CLASP1: variants seen among roughly 807,000 people sequenced by gnomAD.
CLASP1 encodes the protein cytoplasmic linker associated protein 1.
In CLASP1, 38 loss-of-function variants were observed where a neutral mutation model predicts 192.3. The ratio of observed to expected loss-of-function variants is 0.20; its 90% CI spans 0.15 to 0.26. The LOEUF is 0.26. CLASP1 is among the 10% of genes least tolerant of loss of function. The probability of loss-of-function intolerance (pLI) is 1.00; values close to 1 mark genes in which losing one functional copy is unlikely to be tolerated. For synonymous variants in CLASP1, 691 were observed against 712.8 expected, an observed-to-expected ratio of 0.97 and a Z score of 0.49; for missense variants, 1,433 against 1,932.5, an observed-to-expected ratio of 0.74 and a Z score of 4.85.
At chr2:121,636,731 T>C (rs2070955860) in intron 1 of CLASP1, among the ~76,000 whole-genome samples, 1 of 152,162 alleles carries the variant, frequency 6.6e-6, no homozygotes, top group South Asian at 2.1e-4. Flanking sequence ...ATGAGCCACA[T>C]ATTATGCTAC....
At chr2:121,401,972 TG>T in intron 26 of CLASP1, 102 bp from the exon 28 acceptor site, 1 of 508,884 alleles carries the variant, frequency 2.0e-6, no homozygotes. Context: ...TAAGAAAACC[TG>T]AAAAGGCTAC....
chr2:121,352,326 G>A (rs2064617701), intron 37 of CLASP1, among the ~76,000 whole-genome samples: 1 of 152,242 alleles, frequency 6.6e-6, no homozygotes, highest in Non-Finnish European at 1.5e-5. Context: ...ACTCAACATG[G>A]ACGGCATTGA....
intron 2 of CLASP1, among the ~76,000 whole-genome samples, chr2:121,586,645 TAAAAAA>T (rs1034414324): frequency 1.4e-5 from 2 of 145,514 alleles, no homozygotes; most frequent in Non-Finnish European, 3.0e-5. Flanking sequence ...AATTTAAAAA[TAAAAAA>T]AAAAAGACAA....
intron 2 of CLASP1, among the ~76,000 whole-genome samples, chr2:121,548,735 A>C (rs1401087005): frequency 6.6e-6 from 1 of 152,196 alleles, no homozygotes; most frequent in East Asian, 1.9e-4. Flanking sequence ...CCTGTAAGTC[A>C]GAAGAGATTG....
At chr2:121,531,139 T>G (rs2094843432) in intron 2 of CLASP1, 1 of 613,546 alleles carries the variant, frequency 1.6e-6, no homozygotes, top group Admixed American at 2.5e-5. Flanking sequence ...GTTCTTTCAG[T>G]TTTTGCGGTG....
chr2:121,425,449 A>AT (rs1574653091), intron 21 of CLASP1, 143 bp from the exon 22 acceptor site: 2 of 651,138 alleles, frequency 3.1e-6, no homozygotes, highest in East Asian at 3.1e-5. Flanking sequence ...GGTGGTAGTA[A>AT]TTTTTTTAAA....
chr2:121,441,550 A>G (rs1369073166), intron 19 of CLASP1, among the ~76,000 whole-genome samples: 2 of 151,896 alleles, frequency 1.3e-5, no homozygotes, highest in Non-Finnish European at 2.9e-5. Flanking sequence ...ACATAGGGAG[A>G]CCCCATCTCT....
chr2:121,444,858 G>A (rs181179198), intron 19 of CLASP1: 4 of 885,846 alleles, frequency 4.5e-6, no homozygotes, highest in Non-Finnish European at 6.7e-6. Context: ...GTGAGGACAA[G>A]TGGGTACTGG....
chr2:121,393,579 T>C (rs1303460229), intron 30 of CLASP1, among the ~76,000 whole-genome samples: 2 of 152,202 alleles, frequency 1.3e-5, no homozygotes, highest in Non-Finnish European at 2.9e-5. Flanking sequence ...ACCTTCATTT[T>C]GACAGTGCTT....
chr2:121,590,000 T>A (rs2062198235), intron 2 of CLASP1, among the ~76,000 whole-genome samples: 1 of 152,124 alleles, frequency 6.6e-6, no homozygotes, highest in Non-Finnish European at 1.5e-5. Flanking sequence ...TTTTCATCAA[T>A]CAGTTAAAGG....
At chr2:121,614,538 A>G (rs920023280) in intron 1 of CLASP1, among the ~76,000 whole-genome samples, 2 of 152,146 alleles carry the variant, frequency 1.3e-5, no homozygotes, top group African/African-American at 4.8e-5. Flanking sequence ...AAGTGTGAGG[A>G]AATGGATTCT....
At chr2:121,531,155 A>G (rs1195169938) in intron 2 of CLASP1, 8 of 612,524 alleles carry the variant, frequency 1.3e-5, no homozygotes, top group Non-Finnish European at 2.1e-5. Flanking sequence ...CGGTGATTAA[A>G]CGGGAAGGAT....
At chr2:121,633,626 T>C (rs1195795841) in intron 1 of CLASP1, among the ~76,000 whole-genome samples, 2 of 152,146 alleles carry the variant, frequency 1.3e-5, no homozygotes, top group African/African-American at 2.4e-5. Flanking sequence ...AATGAGAACA[T>C]GACATTACTA....
chr2:121,456,623 C>T (rs557635854), intron 14 of CLASP1, among the ~76,000 whole-genome samples: 2 of 151,858 alleles, frequency 1.3e-5, no homozygotes, highest in Non-Finnish European at 1.5e-5. Flanking sequence ...TTTAAAAAGG[C>T]GGTCTCTGGC....
chr2:121,375,022 T>A (rs767139441), intron 34 of CLASP1, among the ~76,000 whole-genome samples: 3 of 151,980 alleles, frequency 2.0e-5, no homozygotes, highest in Non-Finnish European at 2.9e-5. Context: ...GGGCCGGGGG[T>A]AGAATGATAT....
At chr2:121,371,420 T>G (rs1200662894) in intron 34 of CLASP1, among the ~76,000 whole-genome samples, 2 of 151,428 alleles carry the variant, frequency 1.3e-5, no homozygotes, top group Non-Finnish European at 2.9e-5. Context: ...TTTTTTTTTG[T>G]AGAGACAGGA....
chr2:121,549,204 C>G (rs2057767196), intron 2 of CLASP1, among the ~76,000 whole-genome samples: 1 of 152,222 alleles, frequency 6.6e-6, no homozygotes, highest in South Asian at 2.1e-4. Flanking sequence ...ATCTCACATG[C>G]AATGACACCC....
At chr2:121,430,712 T>G (rs746386982) in intron 19 of CLASP1, among the ~76,000 whole-genome samples, 1 of 152,276 alleles carries the variant, frequency 6.6e-6, no homozygotes, top group African/African-American at 2.4e-5. Flanking sequence ...GTTTTTGATA[T>G]GCAGCATTAA....
chr2:121,515,357 G>A (rs2094258129), intron 7 of CLASP1, among the ~76,000 whole-genome samples: 1 of 152,138 alleles, frequency 6.6e-6, no homozygotes, highest in South Asian at 2.1e-4. Context: ...TATAGATACA[G>A]AATCATAGAT....
Sources: gnomAD v4.1 joint callset for allele counts (sites outside exome capture counted in the v4.1 genomes callset) on GRCh38, gnomAD v4.1.1 for gene constraint, MANE v1.5 for transcripts, NCBI Gene and HGNC (gene_info 2026-07-23, HGNC 2026-07-21) for gene names.